BNC2: variants seen among roughly 807,000 people sequenced by gnomAD.
BNC2 encodes zinc finger protein basonuclin-2.
A neutral mutation model predicts 76.3 loss-of-function variants in BNC2; 20 were observed. The ratio of observed to expected loss-of-function variants is 0.26; its 90% confidence interval spans 0.18 to 0.38. BNC2 has a LOEUF of 0.38. Ranked by LOEUF, BNC2 falls within the 10% of genes least tolerant of loss-of-function variation. BNC2 has a pLI of 1.00. For missense variants in BNC2, 1,382 were observed against 1,399.8 expected, an observed-to-expected ratio of 0.99 and a Z score of 0.20; for synonymous variants, 582 against 514.8, an observed-to-expected ratio of 1.13 and a Z score of -1.77.
At chr9:16,810,301 G>T (rs566890654) in intron 1 of BNC2, among the ~76,000 whole-genome samples, 3 of 152,188 alleles carry the variant, frequency 2.0e-5, no homozygotes, top group Non-Finnish European at 4.4e-5. Context: ...CAGGGGTGGG[G>T]CTAGAAGCTG....
chr9:16,678,267 CTTTTTTTTTTTTT>C lies in BNC2; in HGVS notation c.330+49517_330+49529del, dbSNP rs140809930. ...ACTTGTAACTGTTTTCTTTCTTTTT[CTTTTTTTTTTTTT>C]TTTTTTTTTTTTTTTTGAGACAGAG... On this transcript the variant is annotated intron_variant, in intron 3 of 6. Coordinates refer to ENST00000380672, the MANE Select transcript of BNC2 (RefSeq NM_017637.6). Among the ~76,000 whole-genome samples the C allele has an allele frequency of 1.3e-3, 104 of 80,742 alleles. 2 individuals are homozygous for C. The highest frequency in any genetic ancestry group is 5.5e-3 in the African/African-American group (98 of 17,700). The allele number at this position is 80,742 out of a possible 152,430, so 53.0% of individuals were successfully genotyped here.
At chr9:16,500,163 C>T (rs921338721) in intron 5 of BNC2, among the ~76,000 whole-genome samples, 9 of 152,062 alleles carry the variant, frequency 5.9e-5, no homozygotes, top group Non-Finnish European at 2.9e-5. Context: ...TACATTCCCT[C>T]TCTCCTCTAC....
intron 1 of BNC2, among the ~76,000 whole-genome samples, chr9:16,781,877 T>C (rs561625841): frequency 1.6e-4 from 24 of 152,304 alleles, no homozygotes; most frequent in African/African-American, 5.8e-4. Flanking sequence ...AATAGCATAT[T>C]TGATATCATC....
intron 3 of BNC2, among the ~76,000 whole-genome samples, chr9:16,673,269 G>A (rs1822534284): frequency 6.6e-6 from 1 of 151,922 alleles, no homozygotes; most frequent in South Asian, 2.1e-4. Flanking sequence ...CTTTATTTGA[G>A]ACCCAGTAGC....
chr9:16,698,554 G>A (rs571426056), intron 3 of BNC2, among the ~76,000 whole-genome samples: 1 of 152,102 alleles, frequency 6.6e-6, no homozygotes, highest in Admixed American at 6.5e-5. Flanking sequence ...TTAGCTGGGC[G>A]TGGTGGCGCA....
At chr9:16,640,625 C>G (rs1167965080) in intron 3 of BNC2, among the ~76,000 whole-genome samples, 1 of 152,132 alleles carries the variant, frequency 6.6e-6, no homozygotes, top group Non-Finnish European at 1.5e-5. Flanking sequence ...CAAGTTTATG[C>G]AAGAAACTGT....
Position 16,727,876 on chromosome 9 carries a change from C to G in BNC2, c.251G>C (p.Arg84Thr), listed in dbSNP as rs761033372. The stretch of plus-strand genomic sequence containing the variant: ...GAACCCTGGTTCAGCCGTAGTCGTT[C>G]TGGTTCCGAACTGCATGGAGTTGTC... ...CTDNSMQFGT[R>T]TTTAEPGFMG... The change falls in exon 3 of 7, where the codon AGA becomes ACA. Residue 84 changes from arginine (R) to threonine (T), a missense_variant. Coordinates refer to ENST00000380672, the MANE Select transcript of BNC2 (RefSeq NM_017637.6). 2 of 1,614,166 alleles carry G rather than the reference C, an allele frequency of 1.2e-6. No homozygotes were observed. The highest frequency in any genetic ancestry group is 8.5e-7 in the Non-Finnish European group (1 of 1,180,036).
At chr9:16,705,360 T>C (rs1348103663) in intron 3 of BNC2, among the ~76,000 whole-genome samples, 6 of 151,882 alleles carry the variant, frequency 4.0e-5, no homozygotes, top group Non-Finnish European at 7.4e-5. Flanking sequence ...GGGAAAGGAG[T>C]ACACAGACCC....
chr9:16,771,309 T>C (rs933784869), intron 1 of BNC2, among the ~76,000 whole-genome samples: 4 of 152,234 alleles, frequency 2.6e-5, no homozygotes, highest in Non-Finnish European at 4.4e-5. Context: ...TACAACCCTC[T>C]ATACTTAAAA....
At chr9:16,479,693 T>A (rs560707785) in intron 5 of BNC2, among the ~76,000 whole-genome samples, 5 of 152,338 alleles carry the variant, frequency 3.3e-5, no homozygotes, top group African/African-American at 1.2e-4. Context: ...GGGTCAGCAC[T>A]CATTTTTAAA....
chr9:16,790,382 C>G (rs1357934414), intron 1 of BNC2, among the ~76,000 whole-genome samples: 1 of 152,168 alleles, frequency 6.6e-6, no homozygotes, highest in Non-Finnish European at 1.5e-5. Flanking sequence ...AACTGTCTAT[C>G]AGCTATAAAT....
intron 1 of BNC2, among the ~76,000 whole-genome samples, chr9:16,811,669 T>C (rs981952059): frequency 2.0e-5 from 3 of 152,106 alleles, no homozygotes; most frequent in Admixed American, 2.0e-4. Flanking sequence ...AGAACTGCTC[T>C]TAAGAAAGGA....
intron 1 of BNC2, among the ~76,000 whole-genome samples, chr9:16,790,199 A>G (rs1817465920): frequency 1.3e-5 from 2 of 152,068 alleles, no homozygotes; most frequent in Admixed American, 6.6e-5. Flanking sequence ...GGGTTTCACC[A>G]TGTTAGCCAG....
At chr9:16,711,492 C>G (rs971396533) in intron 3 of BNC2, among the ~76,000 whole-genome samples, 7 of 152,114 alleles carry the variant, frequency 4.6e-5, no homozygotes, top group African/African-American at 1.7e-4. Context: ...GATTATTGTT[C>G]GAAGATAAAC....
chr9:16,866,289 A>C (rs1819541161), intron 1 of BNC2, among the ~76,000 whole-genome samples: 1 of 152,192 alleles, frequency 6.6e-6, no homozygotes, highest in Non-Finnish European at 1.5e-5. Flanking sequence ...TTTAACATTT[A>C]TGCTTATAAC....
At chr9:16,646,916 A>G (rs1821644927) in intron 3 of BNC2, among the ~76,000 whole-genome samples, 1 of 152,216 alleles carries the variant, frequency 6.6e-6, no homozygotes, top group African/African-American at 2.4e-5. Flanking sequence ...AAGTTACATA[A>G]GGTTCCCCAT....
intron 2 of BNC2, among the ~76,000 whole-genome samples, chr9:16,737,739 G>A (rs1262864037): frequency 6.6e-6 from 1 of 152,078 alleles, no homozygotes; most frequent in African/African-American, 2.4e-5. Flanking sequence ...CCCAAAAGAT[G>A]CCAGAAACCT....
At chr9:16,777,744 C>T (rs1053308727) in intron 1 of BNC2, among the ~76,000 whole-genome samples, 1 of 149,372 alleles carries the variant, frequency 6.7e-6, no homozygotes. Flanking sequence ...AAAAGCATGT[C>T]AGAATCACGC....
At chr9:16,544,809 CAAAAA>C (rs60198484) in intron 5 of BNC2, among the ~76,000 whole-genome samples, 2 of 82,608 alleles carry the variant, frequency 2.4e-5, no homozygotes, top group Admixed American at 1.5e-4. Flanking sequence ...GACTCCACCT[CAAAAA>C]AAAAAAAAAA....
Sources: gnomAD v4.1 joint callset for allele counts (sites outside exome capture counted in the v4.1 genomes callset) on GRCh38, gnomAD v4.1.1 for gene constraint, MANE v1.5 for transcripts, NCBI Gene and HGNC (gene_info 2026-07-23, HGNC 2026-07-21) for gene names.